HYDIN: variants seen among roughly 807,000 people sequenced by gnomAD.
HYDIN encodes axonemal central pair apparatus protein HYDIN.
HYDIN carries 132 observed loss-of-function variants against 403.9 expected under a neutral mutation model. That is an observed-to-expected ratio of 0.33 (90% CI 0.28 to 0.38). The LOEUF is 0.38. Ranked by LOEUF, HYDIN falls within the 10% of genes least tolerant of loss-of-function variation. HYDIN has a pLI of 1.00. For missense variants in HYDIN, 2,827 were observed against 5,009.5 expected (o/e 0.56, Z 13.15); for synonymous variants, 1,202 against 1,891.7 (o/e 0.64, Z 9.46).
At chr16:71,201,900 T>C (rs946130706) in intron 1 of HYDIN, among the ~76,000 whole-genome samples, 4 of 152,270 alleles carry the variant, frequency 2.6e-5, no homozygotes, top group African/African-American at 9.6e-5. Flanking sequence ...GCAGTCCATC[T>C]ATTATTTGTA....
intron 13 of HYDIN, 91 bp from the exon 14 acceptor site, chr16:71,069,593 A>G: frequency 1.5e-6 from 1 of 682,278 alleles, no homozygotes; most frequent in Non-Finnish European, 2.5e-6. Context: ...AGCTTCTTGA[A>G]TGAACTGTCT....
intron 7 of HYDIN, among the ~76,000 whole-genome samples, chr16:71,151,233 G>A (rs2085525464): frequency 6.6e-6 from 1 of 152,112 alleles, no homozygotes; most frequent in African/African-American, 2.4e-5. Context: ...CAGCCAACGA[G>A]TGTGGCTAAA....
At chr16:70,966,230 C>G (rs2078568573) in intron 36 of HYDIN, among the ~76,000 whole-genome samples, 1 of 152,202 alleles carries the variant, frequency 6.6e-6, no homozygotes, top group Non-Finnish European at 1.5e-5. Context: ...CAAGAAACCT[C>G]CCACATGCAA....
chr16:71,186,486 T>C (rs2087157563), intron 2 of HYDIN, among the ~76,000 whole-genome samples: 1 of 152,172 alleles, frequency 6.6e-6, no homozygotes, highest in Admixed American at 6.5e-5. Context: ...TGGTGCTACC[T>C]AATATTTAGA....
Position 70,868,636 on chromosome 16 carries a change from G to A in HYDIN, c.11244C>T (p.Arg3748=), listed in dbSNP as rs757910596. ...PADQVPDWDD[R]MHTVKWVDVP... is the part of the protein sequence containing the mutation. ...CGTCCACCCACTTGACTGTGTGCAT[G>A]CGGTCATCCCAGTCGGGGACCTGGT... Residue 3748 remains arginine, a synonymous_variant, in exon 66 of 86, where the codon CGC becomes CGT. Coordinates refer to ENST00000393567, the MANE Select transcript of HYDIN (RefSeq NM_001270974.2). The A allele has an allele frequency of 1.2e-6, 2 of 1,613,924 alleles. No individual in the cohort carries two copies. Among genetic ancestry groups the A allele is most frequent in the Non-Finnish European group, 1.7e-6 (2 of 1,180,026 alleles).
rs868674876 is a variant in HYDIN, at chr16:71,148,808, G to T, written c.841+3851C>A. Among the ~76,000 whole-genome samples, 3 of 139,702 alleles carry T rather than the reference G, an allele frequency of 2.1e-5. 1 individual carries two copies. The highest frequency in any genetic ancestry group is 9.1e-5 in the African/African-American group (3 of 32,906). The allele number at this position is 139,702 out of a possible 152,430, so 91.6% of individuals were successfully genotyped here. On this transcript the variant is annotated intron_variant, in intron 7 of 85. Coordinates refer to ENST00000393567, the MANE Select transcript of HYDIN (RefSeq NM_001270974.2). ...GAGTCTCACTCTGTCACCCAGGCTGGAGTGCAATGGCTTGGTCTCAGCTCA... is the reference window on the plus strand; with the variant it reads ...GAGTCTCACTCTGTCACCCAGGCTGTAGTGCAATGGCTTGGTCTCAGCTCA...
At chr16:71,049,328 GA>G (rs1362071919) in intron 18 of HYDIN, among the ~76,000 whole-genome samples, 2 of 152,206 alleles carry the variant, frequency 1.3e-5, no homozygotes, top group African/African-American at 2.4e-5. Flanking sequence ...CTTATACACA[GA>G]CTGTGCCAGT....
intron 13 of HYDIN, among the ~76,000 whole-genome samples, chr16:71,074,707 C>CAAAAAAAAAAAAAAA (rs59315287): frequency 7.0e-5 from 6 of 86,218 alleles, no homozygotes; most frequent in Non-Finnish European, 9.1e-5. Flanking sequence ...CAAAAAACAC[C>CAAAAAAAAAAAAAAA]AAAAAAAAAA....
intron 13 of HYDIN, among the ~76,000 whole-genome samples, chr16:71,070,087 G>C (rs1356580817): frequency 1.3e-5 from 2 of 152,084 alleles, no homozygotes; most frequent in Non-Finnish European, 2.9e-5. Context: ...TTTACAAACT[G>C]CTTTAGAGCC....
At chr16:70,831,528 C>CCAAAAAAAAAAAAAAAAAAAAAAAAA (rs2036991080) in intron 80 of HYDIN, among the ~76,000 whole-genome samples, 1 of 126,598 alleles carries the variant, frequency 7.9e-6, no homozygotes, top group Admixed American at 7.8e-5. Context: ...AAAAAAAAAA[C>CCAAAAAAAAAAAAAAAAAAAAAAAAA]CAAAAAAAAA....
At position 71,061,896 on chromosome 16, in the gene HYDIN, C is replaced by CAGAG. The variant is rs796422517; in HGVS notation, c.2376+269_2376+272dup. On this transcript the variant is annotated intron_variant, in intron 17 of 85. Transcript: ENST00000393567. The stretch of plus-strand genomic sequence containing the variant: ...TGTGTGTGTGTGTGTGTGTGTGTGT[C>CAGAG]AGAGAGAGAGAGAGAGAGAGAAACT... Among the ~76,000 whole-genome samples, 360 of 94,294 alleles carry CAGAG rather than the reference C, an allele frequency of 3.8e-3. 1 individual carries two copies. The highest frequency in any genetic ancestry group is 0.015 in the African/African-American group (325 of 22,042). The allele number at this position is 94,294 out of a possible 152,430, so 61.9% of individuals were successfully genotyped here.
chr16:70,881,183 G>A (rs749129143), intron 60 of HYDIN, among the ~76,000 whole-genome samples: 2 of 129,650 alleles, frequency 1.5e-5, no homozygotes, highest in South Asian at 4.5e-4. Context: ...CCATGATGGC[G>A]CCATTGCACT....
At chr16:71,212,566 T>G (rs757493649) in intron 1 of HYDIN, among the ~76,000 whole-genome samples, 12 of 152,172 alleles carry the variant, frequency 7.9e-5, no homozygotes, top group Non-Finnish European at 1.6e-4. Flanking sequence ...AATTTAGATA[T>G]TCCATGTAAG....
chr16:71,195,927 A>C lies in HYDIN; in HGVS notation c.-23-9009T>G, dbSNP rs79572452. Among the ~76,000 whole-genome samples the C allele has an allele frequency of 8.5e-3, 1,299 of 152,334 alleles. 17 individuals are homozygous for C. The highest frequency in any genetic ancestry group is 0.03 in the African/African-American group (1,235 of 41,580). ...ACTGGAAACTTGTTCAAACTGTAGA[A>C]GTTTCCAGGTCAGACACAGGCAAAG... On this transcript the variant is annotated intron_variant, in intron 1 of 85. Transcript: ENST00000393567.
chr16:71,106,123 C>G (rs1186509881), intron 10 of HYDIN, among the ~76,000 whole-genome samples: 2 of 151,414 alleles, frequency 1.3e-5, no homozygotes, highest in African/African-American at 4.9e-5. Context: ...TGAATGGATC[C>G]TACCTACTAC....
At chr16:70,951,419 G>A (rs1399068346) in intron 41 of HYDIN, among the ~76,000 whole-genome samples, 2 of 152,098 alleles carry the variant, frequency 1.3e-5, no homozygotes, top group Non-Finnish European at 2.9e-5. Flanking sequence ...GCAGTGCTCT[G>A]CCACTCCCCT....
At chr16:71,165,005 A>G (rs1597922790) in intron 5 of HYDIN, among the ~76,000 whole-genome samples, 1 of 151,246 alleles carries the variant, frequency 6.6e-6, no homozygotes. Context: ...ACTCTTCACC[A>G]CCTCCACCCC....
chr16:71,028,741 GA>G (rs1268714147), intron 19 of HYDIN, among the ~76,000 whole-genome samples: 2 of 152,084 alleles, frequency 1.3e-5, no homozygotes, highest in East Asian at 3.9e-4. Context: ...CAATCAGAAG[GA>G]ATATTTGCTA....
intron 23 of HYDIN, among the ~76,000 whole-genome samples, chr16:71,012,855 T>G (rs1447081945): frequency 6.6e-6 from 1 of 151,132 alleles, no homozygotes; most frequent in East Asian, 1.9e-4. Context: ...GGCTTTTTTT[T>G]TTTTTTTTTG....
Sources: gnomAD v4.1 joint callset for allele counts (sites outside exome capture counted in the v4.1 genomes callset) on GRCh38, gnomAD v4.1.1 for gene constraint, MANE v1.5 for transcripts, NCBI Gene and HGNC (gene_info 2026-07-23, HGNC 2026-07-21) for gene names.